The following CACNA1C variants were observed in gnomAD, a reference collection of about 807,000 sequenced individuals.
The protein encoded by CACNA1C is voltage-dependent L-type calcium channel subunit alpha-1C.
In CACNA1C, 30 loss-of-function variants were observed where a neutral mutation model predicts 229.0. The observed-to-expected ratio is 0.13, with a 90% CI of 0.10 to 0.18. The LOEUF (loss-of-function observed/expected upper bound fraction) is 0.18. Among genes scored for constraint, CACNA1C ranks in the 10% least tolerant of loss-of-function variants. CACNA1C has a pLI of 1.00. For missense variants in CACNA1C, 1,658 were observed against 2,845.0 expected (o/e 0.58, Z 9.49); for synonymous variants, 1,114 against 1,132.5 (o/e 0.98, Z 0.33).
At chr12:2,111,910 G>A (rs1487907464) in intron 1 of CACNA1C, among the ~76,000 whole-genome samples, 1 of 152,212 alleles carries the variant, frequency 6.6e-6, no homozygotes, top group Non-Finnish European at 1.5e-5. Flanking sequence ...TGTAGTGGAT[G>A]CTGTCACGTG....
At position 2,066,413 on chromosome 12, in the gene CACNA1C, C is replaced by T. The variant is rs1463698888; in HGVS notation, c.49+12802C>T. Among the ~76,000 whole-genome samples the T allele has an allele frequency of 2.0e-5, 3 of 151,980 alleles. No homozygotes were observed. The East Asian group carries it at 5.8e-4, about 29-fold the overall frequency. On this transcript the variant is annotated intron_variant, in intron 1 of 46. Transcript: ENST00000399655. ...AGTAGTCAGGGAGGTAGCGGGAGAG[C>T]CTTACTACTGCAGGGTCTTGGGGAT... is the stretch of plus-strand genomic sequence containing the variant.
At position 2,632,062 on chromosome 12, in the gene CACNA1C, C is replaced by T. The variant is rs1449331041; in HGVS notation, c.3829-2235C>T. 3.3e-5 allele frequency among the ~76,000 whole-genome samples: 5 copies of T among 151,894 alleles called. No individual in the cohort carries two copies. Among genetic ancestry groups the T allele is most frequent in the African/African-American group, 4.8e-5 (2 of 41,314 alleles). On this transcript the variant is annotated intron_variant, in intron 29 of 46. Coordinates refer to ENST00000399655, the MANE Select transcript of CACNA1C (RefSeq NM_000719.7). This position sits in a 1 kb window ranked among gnomAD's most constrained non-coding sequence, Gnocchi z 4.1. Reference sequence around the variant, plus strand: ...GAGATCTGGGGAACCTCTCGGAGGACGCTTCATGCTTTCATACCCCACTCC... The same window carrying T: ...GAGATCTGGGGAACCTCTCGGAGGATGCTTCATGCTTTCATACCCCACTCC...
In CACNA1C at chr12:2,493,157, C is replaced by A. The variant is rs369482406; in HGVS notation, c.917-33C>A. ...TGCCCACATCTCTCCCTCCCTGCTG[C>A]TCCCGTCTCCTGTCTTCTTCTGGCC... is the stretch of plus-strand genomic sequence containing the variant. On this transcript the variant is annotated intron_variant, in intron 6 of 46. Coordinates refer to ENST00000399655, the MANE Select transcript of CACNA1C (RefSeq NM_000719.7). This position sits in a 1 kb window ranked among gnomAD's most constrained non-coding sequence, Gnocchi z 4.6. The A allele has an allele frequency of 6.2e-5, 98 of 1,584,368 alleles. No individual in the cohort carries two copies. In the African/African-American group the frequency reaches 1.2e-3, roughly 20 times the overall value.
Position 2,207,537 on chromosome 12 carries a change from C to T in CACNA1C, c.477+87107C>T, listed in dbSNP as rs146083707. ...TAAAAGATGAGAAATAGGCCAGGTG[C>T]GGTGGCTCAAGCCTGTAATCCCAGT... On this transcript the variant is annotated intron_variant, in intron 3 of 46. Coordinates refer to ENST00000399655, the MANE Select transcript of CACNA1C (RefSeq NM_000719.7). Among the ~76,000 whole-genome samples the T allele has an allele frequency of 4.8e-4, 73 of 152,074 alleles. 2 individuals carry two copies. In the East Asian group the frequency reaches 9.4e-3, roughly 20 times the overall value.
At chr12:2,302,128 T>G (rs2094607272) in intron 3 of CACNA1C, among the ~76,000 whole-genome samples, 1 of 152,192 alleles carries the variant, frequency 6.6e-6, no homozygotes, top group Non-Finnish European at 1.5e-5. Context: ...GACTGACTAG[T>G]GTTTATGAAC....
At chr12:1,987,984 T>C (rs1416291620) in intron 1 of CACNA1C, among the ~76,000 whole-genome samples, 1 of 152,236 alleles carries the variant, frequency 6.6e-6, no homozygotes, top group Non-Finnish European at 1.5e-5. Context: ...AATTTTTTCT[T>C]GGATACCATT....
chr12:2,297,537 T>C (rs74500489), intron 3 of CACNA1C, among the ~76,000 whole-genome samples: 6,565 of 152,190 alleles, frequency 0.043, 175 homozygotes, highest in Middle Eastern at 0.065. Context: ...GGAAGAGAGA[T>C]GCTAGGGGGT....
intron 6 of CACNA1C, among the ~76,000 whole-genome samples, chr12:2,487,250 G>A (rs2099701370): frequency 1.3e-5 from 2 of 151,612 alleles, no homozygotes; most frequent in Non-Finnish European, 1.5e-5. Context: ...GTGGAAAAAG[G>A]GGAGCATCAT....
intron 1 of CACNA1C, among the ~76,000 whole-genome samples, chr12:2,081,408 A>G (rs527943738): frequency 5.4e-4 from 82 of 152,130 alleles, no homozygotes; most frequent in Non-Finnish European, 1.0e-3. Flanking sequence ...GTCTCTACTA[A>G]AAAATACAAA....
At chr12:1,991,907 T>C (rs113977225) in intron 1 of CACNA1C, 4,556 of 164,458 alleles carry the variant, frequency 0.028, 107 homozygotes, top group Middle Eastern at 0.054. Context: ...CCAAAAGTGA[T>C]GATTACAGGT....
chr12:2,517,120 C>T (rs1056183832), intron 9 of CACNA1C, among the ~76,000 whole-genome samples: 1 of 152,214 alleles, frequency 6.6e-6, no homozygotes, highest in African/African-American at 2.4e-5. Context: ...ATGTGGGGCT[C>T]ACTTGCTGGT....
Position 2,432,313 on chromosome 12 carries a change from C to G in CACNA1C, c.478-16663C>G, listed in dbSNP as rs115836843. Among the ~76,000 whole-genome samples, 1,027 of 152,276 alleles carry G rather than the reference C, an allele frequency of 6.7e-3. 12 individuals are homozygous for G. Among genetic ancestry groups the G allele is most frequent in the African/African-American group, 0.018 (748 of 41,548 alleles). On this transcript the variant is annotated intron_variant, in intron 3 of 46. Coordinates refer to ENST00000399655, the MANE Select transcript of CACNA1C (RefSeq NM_000719.7). ...ATTGGGAATGAAAGTCACTTACTTA[C>G]AAGAAAGGAAGTGGATGGAGGGTGA...
In CACNA1C at chr12:2,230,248, G is replaced by A. The variant is rs1032356055; in HGVS notation, c.477+109818G>A. Among the ~76,000 whole-genome samples the A allele has an allele frequency of 7.2e-5, 11 of 152,200 alleles. 1 individual carries two copies. The highest frequency in any genetic ancestry group is 2.7e-4 in the African/African-American group (11 of 41,458). ...CTGGCGCGTCTAGCTCGCGGTCAGA[G>A]GTCGGGAAGGGCGCCATGGGTGTAC... On this transcript the variant is annotated intron_variant, in intron 3 of 46. Coordinates refer to ENST00000399655, the MANE Select transcript of CACNA1C (RefSeq NM_000719.7).
At chr12:2,554,256 A>C (rs778610028) in intron 10 of CACNA1C, among the ~76,000 whole-genome samples, 4 of 152,232 alleles carry the variant, frequency 2.6e-5, no homozygotes, top group Non-Finnish European at 5.9e-5. Flanking sequence ...ATGGTCTCCC[A>C]GAAGGTTTGT....
chr12:2,057,015 G>A (rs1415987463), intron 1 of CACNA1C, among the ~76,000 whole-genome samples: 1 of 152,184 alleles, frequency 6.6e-6, no homozygotes. Context: ...ACTGTTTAAA[G>A]ATTTCTTCTT....
intron 3 of CACNA1C, among the ~76,000 whole-genome samples, chr12:2,219,692 T>C (rs2060938336): frequency 6.6e-6 from 1 of 152,220 alleles, no homozygotes; most frequent in Non-Finnish European, 1.5e-5. Context: ...AAGCTAATCT[T>C]TTTGAATGAC....
chr12:2,495,812 G>A (rs779908591), intron 7 of CACNA1C, among the ~76,000 whole-genome samples: 6 of 152,162 alleles, frequency 3.9e-5, no homozygotes, highest in East Asian at 1.9e-4. Flanking sequence ...GTGTGTGCAC[G>A]CCTGCAAGTG....
chr12:2,440,177 G>T (rs1360163805), intron 3 of CACNA1C, among the ~76,000 whole-genome samples: 2 of 152,116 alleles, frequency 1.3e-5, no homozygotes, highest in Non-Finnish European at 2.9e-5. Context: ...GTGAAATTCA[G>T]TGGCATTAAT....
intron 3 of CACNA1C, among the ~76,000 whole-genome samples, chr12:2,260,578 A>C (rs967330938): frequency 6.6e-6 from 1 of 152,104 alleles, no homozygotes; most frequent in Admixed American, 6.5e-5. Flanking sequence ...CCATGGAGGC[A>C]AGGCTCTCAC....
Sources: allele counts gnomAD v4.1 joint callset (sites outside exome capture counted in the v4.1 genomes callset), GRCh38; gene constraint gnomAD v4.1.1; non-coding constraint Gnocchi (gnomAD v3.1); transcripts MANE v1.5; gene names NCBI Gene and HGNC (gene_info 2026-07-23, HGNC 2026-07-21).